Variants in SLIT2 observed in about 807,000 individuals in gnomAD.
The protein encoded by SLIT2 is slit homolog 2 protein.
SLIT2 carries 41 observed loss-of-function variants against 185.7 expected under a neutral mutation model. The observed-to-expected ratio is 0.22, with a 90% confidence interval of 0.17 to 0.29. The LOEUF (loss-of-function observed/expected upper bound fraction) is 0.29, where lower values mean the gene tolerates loss of function less well. SLIT2 is among the 10% of genes least tolerant of loss of function. SLIT2 has a pLI of 1.00. For synonymous variants in SLIT2, 693 were observed against 680.2 expected, an observed-to-expected ratio of 1.02 and a Z score of -0.29; for missense variants, 1,571 against 1,909.0, an observed-to-expected ratio of 0.82 and a Z score of 3.30.
At chr4:20,284,654 T>C (rs1206342510) in intron 4 of SLIT2, among the ~76,000 whole-genome samples, 1 of 152,248 alleles carries the variant, frequency 6.6e-6, no homozygotes, top group Non-Finnish European at 1.5e-5. Context: ...TAAGCACTTA[T>C]GCATAGGTGA....
rs1714066834 is a variant in SLIT2 at position 20,463,954 on chromosome 4, A to G, written c.396-3798A>G. On this transcript the variant is annotated intron_variant, in intron 4 of 36. Coordinates refer to ENST00000504154, the MANE Select transcript of SLIT2 (RefSeq NM_004787.4). The stretch of plus-strand genomic sequence containing the variant: ...GCTCTTTTGATTTCCCAACTTCATT[A>G]ATGGTCCTCTCATCTAACTTCAGAG... Among the ~76,000 whole-genome samples the G allele has an allele frequency of 1.3e-5, 2 of 152,030 alleles. 1 individual carries two copies. The highest frequency in any genetic ancestry group is 7.0e-3 in the Middle Eastern group (2 of 286).
At chr4:20,322,470 C>T (rs531334542) in intron 4 of SLIT2, among the ~76,000 whole-genome samples, 96 of 152,250 alleles carry the variant, frequency 6.3e-4, no homozygotes, top group African/African-American at 2.3e-3. Context: ...AATTTATTTT[C>T]CTTTCACTCA....
At chr4:20,432,667 C>A (rs989511690) in intron 4 of SLIT2, among the ~76,000 whole-genome samples, 1 of 151,884 alleles carries the variant, frequency 6.6e-6, no homozygotes, top group Non-Finnish European at 1.5e-5. Flanking sequence ...TTTCTCACAA[C>A]GTGATGTAAG....
At chr4:20,563,152 T>C (rs945103585) in intron 26 of SLIT2, among the ~76,000 whole-genome samples, 1 of 151,782 alleles carries the variant, frequency 6.6e-6, no homozygotes, top group Non-Finnish European at 1.5e-5. Flanking sequence ...TCATTTTCTC[T>C]TTGAATTATT....
chr4:20,253,864 C>A lies in SLIT2; in HGVS notation c.49C>A (p.Leu17Met). Residue 17 changes from leucine to methionine, a missense_variant, in exon 1 of 37, where the codon CTG becomes ATG. Transcript: ENST00000504154. ...GCTGTCCCTGTCGCTGGGGTTAGTG[C>A]TGGCGATCCTGAACAAGGTGGCACC... is the stretch of plus-strand genomic sequence containing the variant. The part of the protein sequence containing the change: ...QMLSLSLGLV[L>M]AILNKVAPQA... 1.2e-6 allele frequency: 2 copies of A among 1,600,756 alleles called. No individual in the cohort carries two copies. Among genetic ancestry groups the A allele is most frequent in the Non-Finnish European group, 1.7e-6 (2 of 1,179,908 alleles).
chr4:20,314,793 A>G (rs1718420761), intron 4 of SLIT2, among the ~76,000 whole-genome samples: 1 of 152,152 alleles, frequency 6.6e-6, no homozygotes, highest in South Asian at 2.1e-4. Context: ...GCAGATGGTC[A>G]ATAAATTCAT....
chr4:20,326,840 C>CT (rs1386010035), intron 4 of SLIT2, among the ~76,000 whole-genome samples: 3 of 125,236 alleles, frequency 2.4e-5, no homozygotes, highest in African/African-American at 9.2e-5. Context: ...TCTTCTTTTC[C>CT]TTTTTTTATT....
intron 9 of SLIT2, among the ~76,000 whole-genome samples, chr4:20,495,950 T>C (rs1159083520): frequency 6.6e-6 from 1 of 152,156 alleles, no homozygotes; most frequent in Non-Finnish European, 1.5e-5. Flanking sequence ...AGGTTTTTAT[T>C]CCATGATGAA....
chr4:20,408,130 A>G (rs1214971695), intron 4 of SLIT2, among the ~76,000 whole-genome samples: 2 of 152,190 alleles, frequency 1.3e-5, no homozygotes, highest in Non-Finnish European at 2.9e-5. Flanking sequence ...TATGCTTAAT[A>G]TTAACGGGTT....
chr4:20,470,419 A>G (rs1159484883), intron 5 of SLIT2, among the ~76,000 whole-genome samples: 1 of 151,918 alleles, frequency 6.6e-6, no homozygotes, highest in African/African-American at 2.4e-5. Flanking sequence ...GGAAACAGAA[A>G]AGTATCGCTT....
chr4:20,567,618 A>G lies in SLIT2; in HGVS notation c.2948+3A>G. ...GAAGGAGAAGAAGATGGATTCTGGT[A>G]GGTCATTAGTCTATGACCATCTGTG... On this transcript the variant is annotated splice_donor_region_variant and intron_variant, in intron 28 of 36. Transcript: ENST00000504154. 6.2e-7 allele frequency: 1 copy of G among 1,603,396 alleles called. No homozygotes were observed. Among genetic ancestry groups the G allele is most frequent in the Non-Finnish European group, 8.5e-7 (1 of 1,170,462 alleles).
chr4:20,454,782 C>G (rs895564578), intron 4 of SLIT2, among the ~76,000 whole-genome samples: 2 of 152,058 alleles, frequency 1.3e-5, no homozygotes, highest in Non-Finnish European at 2.9e-5. Context: ...AAAATTATAT[C>G]ATTGCACTCT....
chr4:20,393,394 T>C (rs1163767737), intron 4 of SLIT2: 1 of 152,074 alleles, frequency 6.6e-6, no homozygotes, highest in Non-Finnish European at 1.5e-5. Flanking sequence ...TGGGAAGCAT[T>C]CTCCGAATAT....
intron 9 of SLIT2, among the ~76,000 whole-genome samples, chr4:20,507,842 C>T (rs2148821396): frequency 6.6e-6 from 1 of 151,930 alleles, no homozygotes; most frequent in East Asian, 1.9e-4. Context: ...ATCTTTAATA[C>T]ATTGAAATAA....
In SLIT2 at chr4:20,254,057, G is replaced by A. The variant is rs904017156; in HGVS notation, c.179+63G>A. The stretch of plus-strand genomic sequence containing the variant: ...GGGCCGCGCACCCCTGCCTCCACTG[G>A]AGGAACCTGTCAGCTCAGGGTCCTG... On this transcript the variant is annotated intron_variant, in intron 1 of 36. Coordinates refer to ENST00000504154, the MANE Select transcript of SLIT2 (RefSeq NM_004787.4). The surrounding 1 kb of genome is among the most constrained non-coding windows in gnomAD (Gnocchi z 5.1). 8 of 1,516,542 alleles carry A rather than the reference G, an allele frequency of 5.3e-6. No homozygotes were observed. Among genetic ancestry groups the A allele is most frequent in the Middle Eastern group, 3.5e-4 (2 of 5,740 alleles). 93.9% of individuals were successfully genotyped at this position (1,516,542 alleles called of 1,614,324 possible).
intron 4 of SLIT2, among the ~76,000 whole-genome samples, chr4:20,325,638 G>A (rs1719513170): frequency 1.3e-5 from 2 of 152,198 alleles, no homozygotes; most frequent in South Asian, 2.1e-4. Context: ...TTTTATATAA[G>A]TATGATAAAA....
intron 4 of SLIT2, among the ~76,000 whole-genome samples, chr4:20,319,561 G>T (rs1214737919): frequency 1.3e-5 from 2 of 152,000 alleles, no homozygotes; most frequent in African/African-American, 4.8e-5. Context: ...TGCTTAACTA[G>T]GTTTGGAATT....
intron 4 of SLIT2, among the ~76,000 whole-genome samples, chr4:20,362,806 C>T (rs1031439290): frequency 6.6e-6 from 1 of 151,826 alleles, no homozygotes; most frequent in Non-Finnish European, 1.5e-5. Flanking sequence ...TTGTTGTTTA[C>T]TTTTTATAAA....
chr4:20,407,594 A>T (rs1025998857), intron 4 of SLIT2, among the ~76,000 whole-genome samples: 1 of 152,248 alleles, frequency 6.6e-6, no homozygotes, highest in South Asian at 2.1e-4. Context: ...CTTAGTCCCA[A>T]ACAAGCCAGC....
Sources: allele counts gnomAD v4.1 joint callset (sites outside exome capture counted in the v4.1 genomes callset), GRCh38; gene constraint gnomAD v4.1.1; non-coding constraint Gnocchi (gnomAD v3.1); transcripts MANE v1.5; gene names NCBI Gene and HGNC (gene_info 2026-07-23, HGNC 2026-07-21).